Variants in PCDH15 observed in about 807,000 individuals in gnomAD.
PCDH15 encodes protocadherin-15.
PCDH15 carries 129 observed loss-of-function variants against 178.5 expected under a neutral mutation model. The ratio of observed to expected loss-of-function variants is 0.72; its 90% CI spans 0.63 to 0.84. The LOEUF (loss-of-function observed/expected upper bound fraction) is 0.84. Among genes scored for constraint, PCDH15 ranks in the 40% least tolerant of loss-of-function variants. The pLI, the probability that PCDH15 is intolerant of heterozygous loss-of-function variation, is 0.00. For synonymous variants in PCDH15, 800 were observed against 732.0 expected, an observed-to-expected ratio of 1.09 and a Z score of -1.50; for missense variants, 2,230 against 2,099.9, an observed-to-expected ratio of 1.06 and a Z score of -1.21.
At chr10:54,185,369 G>T in intron 11 of PCDH15, 101 bp from the exon 12 acceptor site, 2 of 1,307,466 alleles carry the variant, frequency 1.5e-6, no homozygotes, top group Non-Finnish European at 2.2e-6. Context: ...AAAAATCCAC[G>T]TGAAAGTATT....
chr10:55,233,330 G>T (rs945649572), intron 1 of PCDH15, among the ~76,000 whole-genome samples: 1 of 152,056 alleles, frequency 6.6e-6, no homozygotes, highest in African/African-American at 2.4e-5. Flanking sequence ...ACTTTTCGGT[G>T]TATGTTTAAC....
At chr10:54,627,121 A>G (rs2134592848) in intron 2 of PCDH15, among the ~76,000 whole-genome samples, 1 of 152,298 alleles carries the variant, frequency 6.6e-6, no homozygotes, top group South Asian at 2.1e-4. Flanking sequence ...GGAAGTAAGT[A>G]ACTTGCTTTT....
chr10:55,342,815 G>A (rs1437129476), intron 2 of PCDH15, among the ~76,000 whole-genome samples: 1 of 152,158 alleles, frequency 6.6e-6, no homozygotes, highest in East Asian at 1.9e-4. Flanking sequence ...CTGGAGACTA[G>A]AGAGACAGAA....
At chr10:53,808,314 T>A in intron 37 of PCDH15, 1 of 513,666 alleles carries the variant, frequency 1.9e-6, no homozygotes, top group Non-Finnish European at 2.4e-6. Context: ...TATAAAAACA[T>A]ATATAGTGTG....
At chr10:54,621,922 TG>T (rs1183515762) in intron 2 of PCDH15, among the ~76,000 whole-genome samples, 2 of 152,052 alleles carry the variant, frequency 1.3e-5, no homozygotes, top group African/African-American at 4.8e-5. Context: ...TGTCAAACGC[TG>T]TAAAGAAAGG....
At chr10:54,168,426 C>T (rs1246230589) in intron 13 of PCDH15, among the ~76,000 whole-genome samples, 1 of 151,774 alleles carries the variant, frequency 6.6e-6, no homozygotes, top group Non-Finnish European at 1.5e-5. Context: ...CTCCCTTCCT[C>T]CCCAGGCTGC....
intron 1 of PCDH15, among the ~76,000 whole-genome samples, chr10:54,690,725 T>C (rs2095105742): frequency 6.6e-6 from 1 of 152,166 alleles, no homozygotes; most frequent in African/African-American, 2.4e-5. Flanking sequence ...GTAATAACTA[T>C]AATAAGAATA....
intron 14 of PCDH15, among the ~76,000 whole-genome samples, chr10:54,143,309 G>T (rs989700505): frequency 1.3e-5 from 2 of 152,040 alleles, no homozygotes; most frequent in African/African-American, 4.8e-5. Context: ...TTACATTGTT[G>T]TATGCCACAG....
In PCDH15 at chr10:55,334,242, ATGTG is replaced by A. The variant is rs1208145029; in HGVS notation, c.-155-167595_-155-167592del. The stretch of plus-strand genomic sequence containing the variant: ...GCTCCATATATATATATATATATAT[ATGTG>A]TGTGTGTGTGTGTGTGTGTGTGTGT... On this transcript the variant is annotated intron_variant, in intron 2 of 5. Coordinates refer to the PCDH15 transcript ENST00000613346. Among the ~76,000 whole-genome samples, 286 of 72,108 alleles carry A rather than the reference ATGTG, an allele frequency of 4.0e-3. 2 individuals carry two copies. Among genetic ancestry groups the A allele is most frequent in the Middle Eastern group, 0.019 (2 of 104 alleles). 47.3% of individuals were successfully genotyped at this position (72,108 alleles called of 152,430 possible). A position where few individuals can be genotyped will look rare whatever the true frequency, so the allele number is the denominator to read the frequency against.
At chr10:55,010,688 A>G (rs193174944) in intron 2 of PCDH15, among the ~76,000 whole-genome samples, 1 of 152,298 alleles carries the variant, frequency 6.6e-6, no homozygotes, top group African/African-American at 2.4e-5. Flanking sequence ...AGTCTTATTC[A>G]CTACCCACAT....
chr10:55,043,974 T>C (rs948262962), intron 2 of PCDH15, among the ~76,000 whole-genome samples: 6 of 151,868 alleles, frequency 4.0e-5, no homozygotes. Flanking sequence ...AGACCAGAAA[T>C]AATAAAAGAG....
intron 1 of PCDH15, among the ~76,000 whole-genome samples, chr10:54,748,580 T>A (rs1945781560): frequency 6.6e-6 from 1 of 152,326 alleles, no homozygotes; most frequent in Non-Finnish European, 1.5e-5. Flanking sequence ...AAAATCAAAA[T>A]CTAATAAAGA....
chr10:53,839,933 T>C (rs1172073550), intron 29 of PCDH15, among the ~76,000 whole-genome samples: 1 of 152,236 alleles, frequency 6.6e-6, no homozygotes, highest in Admixed American at 6.5e-5. Context: ...AAGGTGGATT[T>C]CTTCTTAAAA....
At chr10:54,779,532 A>ATATATGTGTGTATATATATATACACACC (rs1366829978) in intron 1 of PCDH15, among the ~76,000 whole-genome samples, 1 of 144,574 alleles carries the variant, frequency 6.9e-6, no homozygotes, top group African/African-American at 2.5e-5. Flanking sequence ...ATATACACAC[A>ATATATGTGTGTATATATATATACACACC]CATATATATA....
chr10:54,007,282 G>A (rs1468105339), intron 20 of PCDH15, among the ~76,000 whole-genome samples: 2 of 151,960 alleles, frequency 1.3e-5, no homozygotes, highest in Non-Finnish European at 2.9e-5. Flanking sequence ...CCAGAGATTT[G>A]CTTATATCAT....
chr10:54,634,557 T>G (rs1204476687), intron 2 of PCDH15, among the ~76,000 whole-genome samples: 1 of 152,022 alleles, frequency 6.6e-6, no homozygotes, highest in Non-Finnish European at 1.5e-5. Flanking sequence ...ATGTCTATGC[T>G]TTTAGAATAT....
intron 2 of PCDH15, among the ~76,000 whole-genome samples, chr10:54,974,847 C>A (rs1219588206): frequency 1.3e-5 from 2 of 152,074 alleles, no homozygotes; most frequent in African/African-American, 4.8e-5. Flanking sequence ...TTTTAGAGAA[C>A]TTTTTCATGC....
intron 2 of PCDH15, among the ~76,000 whole-genome samples, chr10:54,547,518 G>T (rs2085997949): frequency 6.6e-6 from 1 of 151,992 alleles, no homozygotes; most frequent in African/African-American, 2.4e-5. Context: ...AAGTTTTAGG[G>T]CTGTATAAAA....
chr10:54,051,201 T>C (rs2093765953), intron 18 of PCDH15, among the ~76,000 whole-genome samples: 1 of 152,132 alleles, frequency 6.6e-6, no homozygotes, highest in South Asian at 2.1e-4. Flanking sequence ...AGGGTTGCTG[T>C]AAAGATGCCT....
Sources: allele counts gnomAD v4.1 joint callset (sites outside exome capture counted in the v4.1 genomes callset), GRCh38; gene constraint gnomAD v4.1.1; transcripts MANE v1.5; gene names NCBI Gene and HGNC (gene_info 2026-07-23, HGNC 2026-07-21).